The following COL6A5 variants were observed in gnomAD, a reference collection of about 807,000 sequenced individuals.
COL6A5 encodes collagen alpha-5(VI) chain.
In COL6A5, 48 loss-of-function variants were observed where a neutral mutation model predicts 65.6. The observed-to-expected ratio is 0.73, with a 90% CI of 0.58 to 0.93. The LOEUF is 0.93. Among genes scored for constraint, COL6A5 ranks in the 40% least tolerant of loss-of-function variants. The pLI is 0.00. For synonymous variants in COL6A5, 291 were observed against 322.8 expected, an observed-to-expected ratio of 0.90 and a Z score of 1.05; for missense variants, 914 against 928.3, an observed-to-expected ratio of 0.98 and a Z score of 0.20.
At chr3:130,431,305 A>G, upstream of COL6A5, 1 of 818,808 alleles carries the variant, frequency 1.2e-6, no homozygotes, top group Non-Finnish European at 2.0e-6. Flanking sequence ...TTTGCAGGCC[A>G]GATTTCTTTC....
At chr3:130,391,210 G>A (rs1350666709) in exon 7 of COL6A5, 3 of 1,551,438 alleles carry the variant, frequency 1.9e-6, no homozygotes, top group East Asian at 4.9e-5. Context: ...TAGACGTTGT[G>A]TTTGTGCTGG....
chr3:130,440,650 T>C (rs773772055), exon 3 of COL6A5: 1 of 1,613,456 alleles, frequency 6.2e-7, no homozygotes, highest in African/African-American at 1.3e-5. Flanking sequence ...CTTTGAGGGC[T>C]AAGTGTCAAG....
At chr3:130,435,094 T>A (rs904119286) in intron 1 of COL6A5, among the ~76,000 whole-genome samples, 24 of 152,238 alleles carry the variant, frequency 1.6e-4, no homozygotes, top group East Asian at 1.9e-4. Context: ...AAGTCTTTAA[T>A]CCATCTTGAG....
Position 130,356,590 on chromosome 3 carries a change from C to CT in COL6A5, c.-29+10612dup, listed in dbSNP as rs1221060401. Among the ~76,000 whole-genome samples the CT allele has an allele frequency of 3.3e-5, 5 of 152,030 alleles. No homozygotes were observed. In the South Asian group the frequency reaches 6.3e-4, roughly 19 times the overall value. On this transcript the variant is annotated intron_variant and NMD_transcript_variant, in intron 1 of 41. Coordinates refer to the COL6A5 transcript ENST00000312481. Reference sequence around the variant, plus strand: ...TATACTAGGTTATATATAGGGGAAACTTTGACATATTCCAGAAAAGAGTAC... The same window carrying CT: ...TATACTAGGTTATATATAGGGGAAACTTTTGACATATTCCAGAAAAGAGTAC...
At chr3:130,401,623 C>T (rs1045720804) in intron 11 of COL6A5, 139 bp from the exon 12 acceptor site, 4 of 664,036 alleles carry the variant, frequency 6.0e-6, no homozygotes, top group African/African-American at 1.8e-5. Flanking sequence ...CAGAAAGCAC[C>T]TCTTATTCTC....
At chr3:130,363,755 A>T (rs1274815518) in intron 1 of COL6A5, among the ~76,000 whole-genome samples, 1 of 152,096 alleles carries the variant, frequency 6.6e-6, no homozygotes, top group Non-Finnish European at 1.5e-5. Context: ...CCACTTTAAC[A>T]CTTGCTTTTC....
At chr3:130,446,143 G>A (rs561726653) in intron 4 of COL6A5, among the ~76,000 whole-genome samples, 3 of 152,210 alleles carry the variant, frequency 2.0e-5, no homozygotes, top group East Asian at 1.9e-4. Context: ...AGGCACAGAG[G>A]GGGGTATTTA....
intron 13 of COL6A5, among the ~76,000 whole-genome samples, chr3:130,404,662 G>A (rs1351274918): frequency 3.3e-5 from 5 of 152,186 alleles, no homozygotes; most frequent in African/African-American, 9.7e-5. Flanking sequence ...GAAAGTCCAG[G>A]CAATGGGAAG....
chr3:130,362,327 T>TATATATA (rs58747372), intron 1 of COL6A5, among the ~76,000 whole-genome samples: 5 of 3,156 alleles, frequency 1.6e-3, no homozygotes, highest in Admixed American at 4.2e-3. Flanking sequence ...TATATATATA[T>TATATATA]TTTTTTTTTT....
At chr3:130,388,040 C>G (rs1349197524) in intron 5 of COL6A5, among the ~76,000 whole-genome samples, 1 of 151,858 alleles carries the variant, frequency 6.6e-6, no homozygotes, top group Non-Finnish European at 1.5e-5. Flanking sequence ...TATATGCTTA[C>G]TGAAGCACTT....
intron 7 of COL6A5, chr3:130,477,354 GT>G (rs1710125055): frequency 3.1e-6 from 1 of 318,270 alleles, no homozygotes; most frequent in Non-Finnish European, 5.7e-6. Context: ...ACTTTATGTT[GT>G]TTTGTTCATG....
rs1229965521 is a variant in COL6A5 at position 130,345,986 on chromosome 3, G to C, written c.-29+5G>C. 1.3e-5 allele frequency: 5 copies of C among 398,656 alleles called. No homozygotes were observed. In the East Asian group the frequency reaches 1.4e-4, roughly 11 times the overall value. The allele number at this position is 398,656 out of a possible 1,614,324, so 24.7% of individuals were successfully genotyped here. A position where few individuals can be genotyped will look rare whatever the true frequency, so the allele number is the denominator to read the frequency against. On this transcript the variant is annotated splice_donor_5th_base_variant and intron_variant and NMD_transcript_variant, in intron 1 of 41. Coordinates refer to the COL6A5 transcript ENST00000312481. The stretch of plus-strand genomic sequence containing the variant: ...CCCTGACCCCGGGAAAGCTGGGTAA[G>C]TATGCGGTGCGGGGACTTGGGGCCT...
chr3:130,411,033 A>T (rs1368750073), intron 20 of COL6A5, among the ~76,000 whole-genome samples: 1 of 152,212 alleles, frequency 6.6e-6, no homozygotes, highest in Admixed American at 6.5e-5. Context: ...GTTGCCAATG[A>T]GAAAGAGGAC....
At chr3:130,429,220 G>A (rs1402508415), upstream of COL6A5, among the ~76,000 whole-genome samples, 1 of 152,156 alleles carries the variant, frequency 6.6e-6, no homozygotes, top group African/African-American at 2.4e-5. Flanking sequence ...CTCTCAGAAG[G>A]CTATAAGATG....
intron 1 of COL6A5, among the ~76,000 whole-genome samples, chr3:130,366,875 G>C (rs944084764): frequency 3.3e-5 from 5 of 152,158 alleles, no homozygotes; most frequent in Non-Finnish European, 5.9e-5. Flanking sequence ...AAAACCAATA[G>C]GTTTATGACC....
intron 1 of COL6A5, among the ~76,000 whole-genome samples, chr3:130,361,020 G>T (rs2107620693): frequency 6.6e-6 from 1 of 151,842 alleles, no homozygotes; most frequent in East Asian, 1.9e-4. Context: ...AAACACATGA[G>T]GCCTCCCCTG....
At chr3:130,451,117 C>A (rs772928719) in intron 4 of COL6A5, among the ~76,000 whole-genome samples, 1 of 152,120 alleles carries the variant, frequency 6.6e-6, no homozygotes, top group Admixed American at 6.6e-5. Context: ...CTTCCTTAAA[C>A]TGTTTTAAAA....
chr3:130,376,734 C>T, exon 3 of COL6A5: 1 of 1,613,686 alleles, frequency 6.2e-7, no homozygotes, highest in Non-Finnish European at 8.5e-7. Context: ...CCATTTCAAC[C>T]TTCGGACAAT....
exon 3 of COL6A5, chr3:130,376,695 A>T (rs775035423): frequency 6.2e-7 from 1 of 1,613,692 alleles, no homozygotes; most frequent in Admixed American, 1.7e-5. Flanking sequence ...TTCTGAGGAA[A>T]ATCTGAAGGC....
Sources: gnomAD v4.1 joint callset for allele counts (sites outside exome capture counted in the v4.1 genomes callset) on GRCh38, gnomAD v4.1.1 for gene constraint, MANE v1.5 for transcripts, NCBI Gene and HGNC (gene_info 2026-07-23, HGNC 2026-07-21) for gene names.